The following DPP10 variants were observed in gnomAD, a reference collection of about 807,000 sequenced individuals.
The protein encoded by DPP10 is dipeptidyl peptidase like 10, also known as inactive dipeptidyl peptidase 10.
In DPP10, 33 loss-of-function variants were observed where a neutral mutation model predicts 120.9. The observed-to-expected ratio is 0.27, with a 90% confidence interval of 0.21 to 0.37. The LOEUF (loss-of-function observed/expected upper bound fraction) is 0.37, where lower values mean the gene tolerates loss of function less well. Among genes scored for constraint, DPP10 ranks in the 10% least tolerant of loss-of-function variants. The pLI, the probability that DPP10 is intolerant of heterozygous loss-of-function variation, is 1.00. For synonymous variants in DPP10, 337 were observed against 326.1 expected, an observed-to-expected ratio of 1.03 and a Z score of -0.36; for missense variants, 816 against 942.8, an observed-to-expected ratio of 0.87 and a Z score of 1.76.
chr2:114,820,405 C>T (rs1685991129), intron 1 of DPP10, among the ~76,000 whole-genome samples: 1 of 152,214 alleles, frequency 6.6e-6, no homozygotes, highest in Non-Finnish European at 1.5e-5. Flanking sequence ...ATTCTATACA[C>T]TTCCTACTCA....
chr2:115,636,669 G>A (rs900768012), intron 5 of DPP10, among the ~76,000 whole-genome samples: 18 of 152,134 alleles, frequency 1.2e-4, no homozygotes, highest in Admixed American at 7.2e-4. Flanking sequence ...AAGATGTTGA[G>A]AATTAGTGAT....
At chr2:114,881,045 A>G (rs1226368681) in intron 1 of DPP10, among the ~76,000 whole-genome samples, 1 of 152,118 alleles carries the variant, frequency 6.6e-6, no homozygotes, top group Non-Finnish European at 1.5e-5. Context: ...TGTGTACTCA[A>G]TCCCATATGT....
intron 1 of DPP10, among the ~76,000 whole-genome samples, chr2:115,174,219 C>G (rs150960032): frequency 6.6e-6 from 1 of 152,152 alleles, no homozygotes; most frequent in South Asian, 2.1e-4. Context: ...TAGGAAGACC[C>G]GTTCCAGATC....
intron 3 of DPP10, among the ~76,000 whole-genome samples, chr2:115,376,993 A>G (rs909294177): frequency 6.7e-6 from 1 of 149,726 alleles, no homozygotes; most frequent in African/African-American, 2.5e-5. Flanking sequence ...GCTATTGTGA[A>G]TAATGCCACA....
intron 1 of DPP10, among the ~76,000 whole-genome samples, chr2:114,939,711 T>C (rs1696754654): frequency 6.6e-6 from 1 of 152,176 alleles, no homozygotes; most frequent in Admixed American, 6.6e-5. Flanking sequence ...ATTCATGTTG[T>C]ATAAACACCT....
At chr2:114,657,221 TCTC>T (rs1403487085) in intron 1 of DPP10, among the ~76,000 whole-genome samples, 4 of 152,186 alleles carry the variant, frequency 2.6e-5, no homozygotes, top group Non-Finnish European at 5.9e-5. Flanking sequence ...TATAACCTAT[TCTC>T]CTTCTATTTT....
rs953638609 is a variant in DPP10, at chr2:115,189,446, G to C, written c.61-119793G>C. ...ACTACTGATTGGAACTGACGGGAAA[G>C]TTATTTACTGAAACTAGAGCCAAGG... On this transcript the variant is annotated intron_variant, in intron 1 of 25. Coordinates refer to ENST00000410059, the MANE Select transcript of DPP10 (RefSeq NM_020868.6). 1.3e-4 allele frequency among the ~76,000 whole-genome samples: 20 copies of C among 152,150 alleles called. 1 individual carries two copies.
At chr2:115,774,641 G>A (rs1173833329) in intron 13 of DPP10, among the ~76,000 whole-genome samples, 1 of 152,042 alleles carries the variant, frequency 6.6e-6, no homozygotes, top group African/African-American at 2.4e-5. Flanking sequence ...CAAAGAAGTT[G>A]ATATAAAGAA....
At chr2:115,128,888 T>TC (rs1244005571) in intron 1 of DPP10, among the ~76,000 whole-genome samples, 1 of 152,220 alleles carries the variant, frequency 6.6e-6, no homozygotes, top group African/African-American at 2.4e-5. Flanking sequence ...TCAACACTTA[T>TC]GAGTTCATGG....
intron 3 of DPP10, among the ~76,000 whole-genome samples, chr2:115,442,865 G>A (rs1452766613): frequency 6.6e-6 from 1 of 152,134 alleles, no homozygotes; most frequent in Non-Finnish European, 1.5e-5. Flanking sequence ...TATCTAAGAT[G>A]AGTTGTCTCG....
At chr2:115,083,795 G>T (rs1188033607) in intron 1 of DPP10, among the ~76,000 whole-genome samples, 4 of 152,184 alleles carry the variant, frequency 2.6e-5, no homozygotes, top group Non-Finnish European at 5.9e-5. Flanking sequence ...TTTCATGGTA[G>T]CATCCAACTA....
intron 12 of DPP10, among the ~76,000 whole-genome samples, 168 bp from the exon 13 acceptor site, chr2:115,768,129 A>T (rs1000431241): frequency 7.2e-5 from 11 of 152,180 alleles, no homozygotes; most frequent in East Asian, 1.9e-4. Flanking sequence ...GATTTACTTT[A>T]AAAAAGTTTA....
At chr2:114,610,977 G>A (rs1693239339) in intron 1 of DPP10, among the ~76,000 whole-genome samples, 1 of 152,056 alleles carries the variant, frequency 6.6e-6, no homozygotes, top group African/African-American at 2.4e-5. Context: ...AGCACTGAGT[G>A]ATCATCATCA....
intron 1 of DPP10, among the ~76,000 whole-genome samples, chr2:115,107,458 G>C (rs1168312125): frequency 3.9e-5 from 4 of 101,336 alleles, no homozygotes; most frequent in Non-Finnish European, 7.2e-5. Flanking sequence ...TTTGGTGCTA[G>C]CCATAAGATT....
intron 5 of DPP10, among the ~76,000 whole-genome samples, chr2:115,604,782 A>T (rs771706067): frequency 1.3e-5 from 2 of 152,178 alleles, no homozygotes; most frequent in Non-Finnish European, 2.9e-5. Flanking sequence ...TTTTGAAAAC[A>T]TAAGTAGCCA....
At chr2:114,774,722 T>C (rs1681576647) in intron 1 of DPP10, among the ~76,000 whole-genome samples, 1 of 151,114 alleles carries the variant, frequency 6.6e-6, no homozygotes, top group African/African-American at 2.4e-5. Flanking sequence ...GGATTGGTAA[T>C]GAATGAACAA....
rs565523863 is a variant in DPP10, at chr2:114,931,022, C to A, written c.61-378217C>A. The stretch of plus-strand genomic sequence containing the variant: ...CATGAGGTTTGGAGAGGTGAAATCT[C>A]CAAACTATACCAACCACTTAATGAA... On this transcript the variant is annotated intron_variant, in intron 1 of 25. Transcript: ENST00000410059. 8.5e-5 allele frequency among the ~76,000 whole-genome samples: 13 copies of A among 152,242 alleles called. 1 individual carries two copies. In the East Asian group the frequency reaches 1.7e-3, roughly 20 times the overall value.
chr2:115,629,527 A>G (rs1241627738), intron 5 of DPP10, among the ~76,000 whole-genome samples: 1 of 152,186 alleles, frequency 6.6e-6, no homozygotes, highest in Non-Finnish European at 1.5e-5. Context: ...GTGAGATGGT[A>G]TCTCATTGTG....
At chr2:114,611,640 A>G (rs1693297523) in intron 1 of DPP10, among the ~76,000 whole-genome samples, 1 of 152,230 alleles carries the variant, frequency 6.6e-6, no homozygotes, top group Non-Finnish European at 1.5e-5. Context: ...CTTTTCTAAT[A>G]GTTCTATATT....
Sources: gnomAD v4.1 joint callset for allele counts (sites outside exome capture counted in the v4.1 genomes callset) on GRCh38, gnomAD v4.1.1 for gene constraint, MANE v1.5 for transcripts, NCBI Gene and HGNC (gene_info 2026-07-23, HGNC 2026-07-21) for gene names.